TUSC3: variants seen among roughly 807,000 people sequenced by gnomAD.
TUSC3 encodes tumor suppressor candidate 3, also known as dolichyl-diphosphooligosaccharide--protein glycosyltransferase subunit TUSC3.
In TUSC3, 45 loss-of-function variants were observed where a neutral mutation model predicts 44.8. That is an observed-to-expected ratio of 1.00 (90% confidence interval 0.79 to 1.29). The LOEUF is 1.29. Ranked by LOEUF, TUSC3 falls within the 50% of genes most tolerant of loss-of-function variation. The probability of loss-of-function intolerance (pLI) is 0.00; values close to 1 mark genes in which losing one functional copy is unlikely to be tolerated. For missense variants in TUSC3, 519 were observed against 437.9 expected, an observed-to-expected ratio of 1.19 and a Z score of -1.65; for synonymous variants, 212 against 152.9, an observed-to-expected ratio of 1.39 and a Z score of -2.85.
intron 2 of TUSC3, among the ~76,000 whole-genome samples, chr8:15,516,787 T>C (rs887761352): frequency 2.8e-4 from 43 of 152,150 alleles, no homozygotes; most frequent in Admixed American, 7.9e-4. Context: ...GTAATAGATA[T>C]TCAAACAAAA....
At chr8:15,621,835 G>A (rs930313758) in intron 1 of TUSC3, among the ~76,000 whole-genome samples, 7 of 149,972 alleles carry the variant, frequency 4.7e-5, no homozygotes, top group Non-Finnish European at 8.9e-5. Context: ...CATACAGTTA[G>A]CATGCATGCA....
chr8:15,615,250 A>G (rs955177614), intron 1 of TUSC3, among the ~76,000 whole-genome samples: 1 of 152,232 alleles, frequency 6.6e-6, no homozygotes, highest in African/African-American at 2.4e-5. Context: ...AAAGTGTTGT[A>G]TATACACAAT....
the TUSC3 span, among the ~76,000 whole-genome samples, chr8:15,817,678 A>C: frequency 6.6e-6 from 1 of 152,160 alleles, no homozygotes; most frequent in African/African-American, 2.4e-5. Flanking sequence ...CATGATTATA[A>C]GTTGCCCAAG....
intron 1 of TUSC3, among the ~76,000 whole-genome samples, chr8:15,423,581 T>G (rs1205574361): frequency 6.6e-6 from 1 of 152,204 alleles, no homozygotes; most frequent in Non-Finnish European, 1.5e-5. Flanking sequence ...TTGATTTAAT[T>G]CTTACTCGAT....
intron 1 of TUSC3, among the ~76,000 whole-genome samples, chr8:15,583,522 G>A (rs57656934): frequency 6.6e-6 from 1 of 152,248 alleles, no homozygotes; most frequent in African/African-American, 2.4e-5. Flanking sequence ...CTATGGTTAA[G>A]GCTTTTTCTT....
At chr8:15,775,511 A>G in the TUSC3 span, among the ~76,000 whole-genome samples, 1 of 151,978 alleles carries the variant, frequency 6.6e-6, no homozygotes, top group African/African-American at 2.4e-5. Context: ...ATATAAAGGT[A>G]TTTTAACAAC....
At chr8:15,449,685 T>C (rs1456047396) in intron 1 of TUSC3, among the ~76,000 whole-genome samples, 1 of 152,142 alleles carries the variant, frequency 6.6e-6, no homozygotes, top group Non-Finnish European at 1.5e-5. Context: ...TGGTGTCCCT[T>C]TGATCGCAAG....
chr8:15,727,111 G>C (rs1810527206), intron 6 of TUSC3, among the ~76,000 whole-genome samples: 1 of 152,128 alleles, frequency 6.6e-6, no homozygotes, highest in Non-Finnish European at 1.5e-5. Context: ...GAATTCATTA[G>C]TCAATATTCC....
At chr8:15,714,267 T>C (rs914140456) in intron 6 of TUSC3, among the ~76,000 whole-genome samples, 3 of 152,194 alleles carry the variant, frequency 2.0e-5, no homozygotes, top group African/African-American at 7.2e-5. Flanking sequence ...ATCCGTAAAG[T>C]AAATCTGTGT....
At chr8:15,746,946 G>A (rs2168247) in intron 8 of TUSC3, among the ~76,000 whole-genome samples, 83,737 of 151,754 alleles carry the variant, frequency 0.55, 23,356 homozygotes, top group East Asian at 0.69. Context: ...GATACTCACA[G>A]ACTCATTTTT....
the TUSC3 span, among the ~76,000 whole-genome samples, chr8:15,840,991 G>A: frequency 6.6e-6 from 1 of 152,236 alleles, no homozygotes; most frequent in African/African-American, 2.4e-5. Context: ...TGTATTTTGT[G>A]TGTTTCAAAA....
chr8:15,477,863 T>C (rs2129123955), intron 1 of TUSC3, among the ~76,000 whole-genome samples: 1 of 152,330 alleles, frequency 6.6e-6, no homozygotes, highest in African/African-American at 2.4e-5. Context: ...TTTCTTGCTT[T>C]CCTCTTTCTT....
At chr8:15,457,223 G>A (rs934507447) in intron 1 of TUSC3, among the ~76,000 whole-genome samples, 3 of 151,496 alleles carry the variant, frequency 2.0e-5, no homozygotes, top group South Asian at 2.1e-4. Context: ...AGTAAATGAC[G>A]AGTTAATGGG....
chr8:15,474,115 A>G (rs1216601944), intron 1 of TUSC3, among the ~76,000 whole-genome samples: 1 of 152,120 alleles, frequency 6.6e-6, no homozygotes, highest in Non-Finnish European at 1.5e-5. Context: ...TATCTTCCCT[A>G]CTTACACGTC....
chr8:15,501,898 C>T (rs1800971732), intron 2 of TUSC3, among the ~76,000 whole-genome samples: 1 of 152,206 alleles, frequency 6.6e-6, no homozygotes, highest in Non-Finnish European at 1.5e-5. Context: ...TCTTATCCTA[C>T]CTGTGTCCAC....
chr8:15,505,884 G>A (rs971869140), intron 2 of TUSC3, among the ~76,000 whole-genome samples: 1 of 152,030 alleles, frequency 6.6e-6, no homozygotes, highest in Admixed American at 6.6e-5. Context: ...CAGAATCTCT[G>A]TAAAATCCTA....
chr8:15,470,876 C>T, intron 1 of TUSC3, among the ~76,000 whole-genome samples: 1 of 152,078 alleles, frequency 6.6e-6, no homozygotes, highest in East Asian at 1.9e-4. Context: ...GTGGCCTGGC[C>T]AGGGCTGGTT....
intron 2 of TUSC3, among the ~76,000 whole-genome samples, chr8:15,637,895 G>A (rs1251997956): frequency 1.3e-5 from 2 of 151,950 alleles, no homozygotes; most frequent in South Asian, 2.1e-4. Flanking sequence ...AATAATTTAT[G>A]TTTCCACAGG....
At chr8:15,817,048 AATC>A in the TUSC3 span, among the ~76,000 whole-genome samples, 1 of 152,216 alleles carries the variant, frequency 6.6e-6, no homozygotes, top group East Asian at 1.9e-4. Context: ...TTTAAAAAAA[AATC>A]ATGTTAACTC....
Sources: gnomAD v4.1 joint callset for allele counts (sites outside exome capture counted in the v4.1 genomes callset) on GRCh38, gnomAD v4.1.1 for gene constraint, MANE v1.5 for transcripts, NCBI Gene and HGNC (gene_info 2026-07-23, HGNC 2026-07-21) for gene names.